Variants in HCN1 observed in about 807,000 individuals in gnomAD.
HCN1 encodes hyperpolarization activated cyclic nucleotide gated potassium channel 1, also known as potassium/sodium hyperpolarization-activated cyclic nucleotide-gated channel 1.
A neutral mutation model predicts 78.9 loss-of-function variants in HCN1; 13 were observed. The observed-to-expected ratio is 0.16, with a 90% CI of 0.11 to 0.26. The LOEUF is 0.26. HCN1 is among the 10% of genes least tolerant of loss of function. The probability of loss-of-function intolerance (pLI) is 1.00; values close to 1 mark genes in which losing one functional copy is unlikely to be tolerated. For synonymous variants in HCN1, 552 were observed against 455.5 expected, an observed-to-expected ratio of 1.21 and a Z score of -2.70; for missense variants, 810 against 1,154.3, an observed-to-expected ratio of 0.70 and a Z score of 4.32.
chr5:45,611,519 G>A (rs750535627), intron 2 of HCN1, among the ~76,000 whole-genome samples: 1 of 151,686 alleles, frequency 6.6e-6, no homozygotes. Flanking sequence ...TGACTTGCTC[G>A]CTTCAGTCTC....
chr5:45,603,272 T>A (rs968646204), intron 2 of HCN1, among the ~76,000 whole-genome samples: 3 of 152,052 alleles, frequency 2.0e-5, no homozygotes, highest in African/African-American at 4.8e-5. Context: ...TCCCTTCAAG[T>A]ATATACTTTA....
intron 3 of HCN1, among the ~76,000 whole-genome samples, chr5:45,421,769 G>A (rs2112067981): frequency 6.6e-6 from 1 of 152,322 alleles, no homozygotes; most frequent in Admixed American, 6.5e-5. Flanking sequence ...TCACAGTTCT[G>A]AAAGTGGGAA....
At chr5:45,515,504 T>C (rs1255668233) in intron 2 of HCN1, among the ~76,000 whole-genome samples, 1 of 152,008 alleles carries the variant, frequency 6.6e-6, no homozygotes, top group Non-Finnish European at 1.5e-5. Context: ...GTATTACACT[T>C]TTATTCTATG....
At position 45,445,242 on chromosome 5, in the gene HCN1, C is replaced by A. The variant is rs182002545; in HGVS notation, c.1011+16604G>T. The stretch of plus-strand genomic sequence containing the variant: ...CGCACCAGGAGATTATATCCCGCAC[C>A]TGGCTCGGAGGGTCCTACGCCCAGG... On this transcript the variant is annotated intron_variant, in intron 3 of 7. Transcript: ENST00000303230. Among the ~76,000 whole-genome samples, 736 of 152,322 alleles carry A rather than the reference C, an allele frequency of 4.8e-3. 1 individual carries two copies. The highest frequency in any genetic ancestry group is 7.9e-3 in the Non-Finnish European group (534 of 68,020).
intron 5 of HCN1, among the ~76,000 whole-genome samples, chr5:45,329,383 G>C (rs969303946): frequency 4.0e-5 from 6 of 151,432 alleles, no homozygotes; most frequent in Non-Finnish European, 1.5e-5. Flanking sequence ...AATTTTTGAA[G>C]TCTTAGAGAT....
intron 3 of HCN1, among the ~76,000 whole-genome samples, chr5:45,411,574 A>AT (rs71610398): frequency 6.6e-6 from 1 of 151,670 alleles, no homozygotes; most frequent in Admixed American, 6.6e-5. Flanking sequence ...TATTCTAGCT[A>AT]TTTTTTATGG....
chr5:45,380,922 G>A (rs529678438), intron 4 of HCN1, among the ~76,000 whole-genome samples: 1 of 152,102 alleles, frequency 6.6e-6, no homozygotes, highest in Non-Finnish European at 1.5e-5. Flanking sequence ...CTCTTCCAGA[G>A]AAAATGGCAC....
At chr5:45,347,828 G>T (rs11950931) in intron 5 of HCN1, among the ~76,000 whole-genome samples, 49 of 152,064 alleles carry the variant, frequency 3.2e-4, no homozygotes, top group Non-Finnish European at 6.3e-4. Flanking sequence ...AAGAAGAAAA[G>T]GAAACAAACA....
chr5:45,449,072 C>T (rs1740856096), intron 3 of HCN1, among the ~76,000 whole-genome samples: 1 of 152,198 alleles, frequency 6.6e-6, no homozygotes, highest in Non-Finnish European at 1.5e-5. Flanking sequence ...CACACCACTG[C>T]ACTCCAGCCT....
intron 5 of HCN1, among the ~76,000 whole-genome samples, chr5:45,334,657 C>G (rs1298229330): frequency 1.3e-5 from 2 of 151,958 alleles, no homozygotes; most frequent in Non-Finnish European, 2.9e-5. Flanking sequence ...ACACATTAAG[C>G]AATCAATAAT....
In HCN1 at chr5:45,259,895, A is replaced by C. The variant is rs1312040435; in HGVS notation, c.*2026T>G. The C allele has an allele frequency of 6.6e-6, 1 of 152,622 alleles. No homozygotes were observed. The allele number at this position is 152,622 out of a possible 1,614,324, so 9.5% of individuals were successfully genotyped here. A position where few individuals can be genotyped will look rare whatever the true frequency, so the allele number is the denominator to read the frequency against. On this transcript the variant is annotated 3_prime_UTR_variant, in exon 8 of 8. Transcript: ENST00000303230. ...TGTACTGATATGTAAATGGTCTTGC[A>C]GCTTTCCCATAGGTTCTAGGTAGAC...
chr5:45,309,503 T>G (rs1273447021), intron 5 of HCN1, among the ~76,000 whole-genome samples: 1 of 152,196 alleles, frequency 6.6e-6, no homozygotes, highest in African/African-American at 2.4e-5. Context: ...GCCGTGGGTT[T>G]GTCATATATG....
intron 3 of HCN1, among the ~76,000 whole-genome samples, chr5:45,408,184 TAAA>T (rs1739961568): frequency 6.6e-6 from 1 of 152,134 alleles, no homozygotes; most frequent in South Asian, 2.1e-4. Flanking sequence ...AAGAAAATCT[TAAA>T]AATAAATTTA....
chr5:45,314,145 C>A (rs780117102), intron 5 of HCN1, among the ~76,000 whole-genome samples: 30 of 152,116 alleles, frequency 2.0e-4, no homozygotes, highest in African/African-American at 6.8e-4. Context: ...GAGAAGCCCA[C>A]CAGACTAACA....
At position 45,262,615 on chromosome 5, in the gene HCN1, A is replaced by G; in HGVS notation, c.1979T>C (p.Met660Thr). 2 of 1,613,910 alleles carry G rather than the reference A, an allele frequency of 1.2e-6. No individual in the cohort carries two copies. Among genetic ancestry groups the G allele is most frequent in the Non-Finnish European group, 1.7e-6 (2 of 1,179,986 alleles). ...TSSTTTPTSRMRTQSPPVYTA... is the reference protein window; with the variant it reads ...TSSTTTPTSRTRTQSPPVYTA... The stretch of plus-strand genomic sequence containing the variant: ...GTACACCGGTGGAGATTGTGTCCTC[A>G]TGCGGGAGGTCGGGGTCGTAGTAGA... Residue 660 changes from methionine to threonine, a missense_variant, in exon 8 of 8, where the codon ATG (methionine) becomes ACG (threonine). Physicochemically the swap from Met to Thr is moderately conservative, Grantham distance 81. Transcript: ENST00000303230.
At chr5:45,522,195 A>T (rs1742627763) in intron 2 of HCN1, among the ~76,000 whole-genome samples, 1 of 151,942 alleles carries the variant, frequency 6.6e-6, no homozygotes, top group South Asian at 2.1e-4. Flanking sequence ...CTAAGTTGTT[A>T]AAAAAAGTCA....
chr5:45,556,964 T>C (rs1318633605), intron 2 of HCN1, among the ~76,000 whole-genome samples: 1 of 152,002 alleles, frequency 6.6e-6, no homozygotes, highest in Non-Finnish European at 1.5e-5. Flanking sequence ...GCTTTCCTTC[T>C]ACCTACACAT....
At chr5:45,366,164 TTG>T (rs10642474) in intron 4 of HCN1, among the ~76,000 whole-genome samples, 26,520 of 146,366 alleles carry the variant, frequency 0.18, 3,367 homozygotes, top group African/African-American at 0.37. Context: ...ATTATAGCAT[TTG>T]TGTGTGTGTG....
At chr5:45,523,965 G>T (rs1347776217) in intron 2 of HCN1, among the ~76,000 whole-genome samples, 1 of 152,082 alleles carries the variant, frequency 6.6e-6, no homozygotes, top group Non-Finnish European at 1.5e-5. Context: ...TATTGCCTAG[G>T]TTTTCTTCTA....
Sources: gnomAD v4.1 joint callset for allele counts (sites outside exome capture counted in the v4.1 genomes callset) on GRCh38, gnomAD v4.1.1 for gene constraint, MANE v1.5 for transcripts, NCBI Gene and HGNC (gene_info 2026-07-23, HGNC 2026-07-21) for gene names.